Variants in MYCBP2 observed in about 807,000 individuals in gnomAD.
MYCBP2 encodes the protein MYC binding protein 2, also known as E3 ubiquitin-protein ligase MYCBP2.
Under a neutral mutation model 525.3 loss-of-function variants are expected in MYCBP2, and 120 were observed. That is an observed-to-expected ratio of 0.23 (90% CI 0.20 to 0.27). The LOEUF is 0.27. Ranked by LOEUF, MYCBP2 falls within the 10% of genes least tolerant of loss-of-function variation. The pLI is 1.00. For missense variants in MYCBP2, 4,149 were observed against 5,657.1 expected (o/e 0.73, Z 8.55); for synonymous variants, 1,894 against 1,955.8 (o/e 0.97, Z 0.83).
intron 38 of MYCBP2, among the ~76,000 whole-genome samples, chr13:77,170,943 T>C (rs533931205): frequency 6.6e-6 from 1 of 151,982 alleles, no homozygotes; most frequent in African/African-American, 2.4e-5. Context: ...AGATGGAGAA[T>C]GGGGGAAAGG....
chr13:77,149,754 T>C (rs1446737330), intron 47 of MYCBP2, among the ~76,000 whole-genome samples: 1 of 152,194 alleles, frequency 6.6e-6, no homozygotes. Context: ...ATTTCATCTT[T>C]TATTTCCTAC....
chr13:77,199,166 G>T (rs566279221), intron 26 of MYCBP2, among the ~76,000 whole-genome samples: 2 of 152,370 alleles, frequency 1.3e-5, no homozygotes, highest in Admixed American at 1.3e-4. Context: ...GACAGTGGGA[G>T]CAGGACAGTG....
Position 77,058,426 on chromosome 13 carries a change from A to G in MYCBP2, c.13141-20T>C, listed in dbSNP as rs960323842. On this transcript the variant is annotated intron_variant, in intron 77 of 82. Coordinates refer to ENST00000544440, the MANE Select transcript of MYCBP2 (RefSeq NM_015057.5). This position sits in a 1 kb window ranked among gnomAD's most constrained non-coding sequence, Gnocchi z 4.1. ...GTATTCCTGTTAAAGATGAATTACA[A>G]TGTTACACAAGTATGTAAAAAAGCA... is the stretch of plus-strand genomic sequence containing the variant. 1.3e-6 allele frequency: 2 copies of G among 1,555,030 alleles called. No individual in the cohort carries two copies. Among genetic ancestry groups the G allele is most frequent in the Non-Finnish European group, 1.7e-6 (2 of 1,148,242 alleles).
At chr13:77,319,970 A>G (rs957962767) in intron 1 of MYCBP2, among the ~76,000 whole-genome samples, 1 of 152,134 alleles carries the variant, frequency 6.6e-6, no homozygotes, top group Admixed American at 6.5e-5. Flanking sequence ...CTCCGAACCA[A>G]CAACTGTGGG....
At position 77,174,294 on chromosome 13, in the gene MYCBP2, T is replaced by G. The variant is rs1240516102; in HGVS notation, c.5651+17A>C. 1 of 1,612,228 alleles carries G rather than the reference T, an allele frequency of 6.2e-7. No individual in the cohort carries two copies. Among genetic ancestry groups the G allele is most frequent in the Non-Finnish European group, 8.5e-7 (1 of 1,178,406 alleles). On this transcript the variant is annotated intron_variant, in intron 37 of 82. Coordinates refer to ENST00000544440, the MANE Select transcript of MYCBP2 (RefSeq NM_015057.5). ...ACCACTGTAAAGTATTTCCGTTATCTCTATACATTCACCCACCTATAGTAG... is the reference window on the plus strand; with the variant it reads ...ACCACTGTAAAGTATTTCCGTTATCGCTATACATTCACCCACCTATAGTAG...
intron 26 of MYCBP2, among the ~76,000 whole-genome samples, chr13:77,200,959 C>T (rs1280532361): frequency 2.2e-4 from 34 of 152,034 alleles, no homozygotes; most frequent in African/African-American, 6.8e-4. Context: ...TAAAGACCAT[C>T]GAGACTAGGA....
At chr13:77,203,176 T>G (rs1484180860) in intron 26 of MYCBP2, among the ~76,000 whole-genome samples, 5 of 152,194 alleles carry the variant, frequency 3.3e-5, no homozygotes, top group Non-Finnish European at 7.3e-5. Flanking sequence ...CTCCTTAAGC[T>G]GATAAACAAC....
intron 20 of MYCBP2, among the ~76,000 whole-genome samples, chr13:77,223,716 T>A (rs1444293374): frequency 6.6e-6 from 1 of 152,186 alleles, no homozygotes; most frequent in Non-Finnish European, 1.5e-5. Flanking sequence ...TTCTTTAGTT[T>A]CTGCTTCCAC....
intron 68 of MYCBP2, among the ~76,000 whole-genome samples, chr13:77,073,441 A>G (rs2041731215): frequency 6.6e-6 from 1 of 152,186 alleles, no homozygotes; most frequent in South Asian, 2.1e-4. Flanking sequence ...ATCACACTTA[A>G]TAATGAATGG....
intron 66 of MYCBP2, 94 bp downstream of exon 66, chr13:77,078,730 G>T: frequency 1.1e-6 from 1 of 938,270 alleles, no homozygotes; most frequent in Non-Finnish European, 1.7e-6. Context: ...ATAATACTTT[G>T]GTTGTGTGCC....
chr13:77,273,424 G>A (rs1353081848), intron 5 of MYCBP2, 48 bp downstream of exon 5: 2 of 1,481,674 alleles, frequency 1.3e-6, no homozygotes, highest in Non-Finnish European at 9.0e-7. Context: ...AGACGAAACT[G>A]TAACTTGTCA....
At chr13:77,141,237 T>C (rs2054568861) in intron 49 of MYCBP2, among the ~76,000 whole-genome samples, 1 of 152,112 alleles carries the variant, frequency 6.6e-6, no homozygotes, top group Non-Finnish European at 1.5e-5. Context: ...AAAAGAACCC[T>C]TGAGAATTAA....
At chr13:77,270,631 G>A in intron 5 of MYCBP2, 93 bp from the exon 6 acceptor site, 1 of 1,254,034 alleles carries the variant, frequency 8.0e-7, no homozygotes, top group Non-Finnish European at 1.1e-6. Flanking sequence ...TCATTCATAA[G>A]ACAATAAATT....
intron 18 of MYCBP2, among the ~76,000 whole-genome samples, chr13:77,231,418 T>C (rs2067117917): frequency 6.6e-6 from 1 of 152,094 alleles, no homozygotes; most frequent in East Asian, 1.9e-4. Context: ...CATTATTATT[T>C]GTATTTTTAG....
rs1219444629 is a variant in MYCBP2, at chr13:77,193,840, C to T, written c.3935+313G>A. On this transcript the variant is annotated intron_variant, in intron 27 of 82. Coordinates refer to ENST00000544440, the MANE Select transcript of MYCBP2 (RefSeq NM_015057.5). ...GGAGTAATAAATAACTGTATTATTACTAGAACACCAGCAAACTAGGTATTC... is the reference window on the plus strand; with the variant it reads ...GGAGTAATAAATAACTGTATTATTATTAGAACACCAGCAAACTAGGTATTC... Among the ~76,000 whole-genome samples the T allele has an allele frequency of 2.6e-5, 4 of 152,004 alleles. No homozygotes were observed. The East Asian group carries it at 7.7e-4, about 29-fold the overall frequency.
chr13:77,230,128 G>A (rs982851197), intron 18 of MYCBP2, among the ~76,000 whole-genome samples: 6 of 152,126 alleles, frequency 3.9e-5, no homozygotes, highest in South Asian at 2.1e-4. Flanking sequence ...ATATCTGCCT[G>A]TATAGGATGA....
At chr13:77,116,518 T>G (rs775652359) in intron 55 of MYCBP2, among the ~76,000 whole-genome samples, 2 of 152,048 alleles carry the variant, frequency 1.3e-5, no homozygotes, top group Non-Finnish European at 1.5e-5. Flanking sequence ...TGCTAAAGAT[T>G]AAGACTTCCA....
chr13:77,107,687 T>C (rs752373276), intron 55 of MYCBP2, among the ~76,000 whole-genome samples: 2 of 151,988 alleles, frequency 1.3e-5, no homozygotes, highest in Non-Finnish European at 2.9e-5. Flanking sequence ...GCAGTGAGCC[T>C]AGATTGCACC....
At position 77,181,860 on chromosome 13, in the gene MYCBP2, A is replaced by C. The variant is rs1688844024; in HGVS notation, c.4782T>G (p.Ala1594=). 6.2e-7 allele frequency: 1 copy of C among 1,613,968 alleles called. No individual in the cohort carries two copies. Among genetic ancestry groups the C allele is most frequent in the African/African-American group, 1.3e-5 (1 of 74,928 alleles). ...TCAGCTTAACAGACGTGTGACACAG[A>C]GCTGACATAACAGCTGCAAGGAGTC... ...SSRLLAAVMS[A]LCHTSVKLTS... The change falls in exon 33 of 83, where the codon GCT becomes GCG. Residue 1594 remains alanine (A), a synonymous_variant. Coordinates refer to ENST00000544440, the MANE Select transcript of MYCBP2 (RefSeq NM_015057.5).
Sources: gnomAD v4.1 joint callset for allele counts (sites outside exome capture counted in the v4.1 genomes callset) on GRCh38, gnomAD v4.1.1 for gene constraint, Gnocchi (gnomAD v3.1) non-coding constraint, MANE v1.5 for transcripts, NCBI Gene and HGNC (gene_info 2026-07-23, HGNC 2026-07-21) for gene names.